CRACD: variants seen among roughly 807,000 people sequenced by gnomAD.
CRACD encodes capping protein-inhibiting regulator of actin dynamics.
In CRACD, 56 loss-of-function variants were observed where a neutral mutation model predicts 106.8. That is an observed-to-expected ratio of 0.52 (90% CI 0.42 to 0.66). The LOEUF (loss-of-function observed/expected upper bound fraction) is 0.66. Among genes scored for constraint, CRACD ranks in the 30% least tolerant of loss-of-function variants. The pLI is 0.00. For missense variants in CRACD, 1,730 were observed against 1,623.2 expected (o/e 1.07, Z -1.13); for synonymous variants, 754 against 670.8 (o/e 1.12, Z -1.92).
chr4:56,136,257 A>G (rs1456822352), intron 1 of CRACD, among the ~76,000 whole-genome samples: 1 of 152,112 alleles, frequency 6.6e-6, no homozygotes, highest in Non-Finnish European at 1.5e-5. Context: ...ATAAGCTTTC[A>G]TTTCTCTTGG....
At chr4:56,098,291 G>A (rs1197031771) in intron 1 of CRACD, among the ~76,000 whole-genome samples, 1 of 152,148 alleles carries the variant, frequency 6.6e-6, no homozygotes, top group Non-Finnish European at 1.5e-5. Context: ...GATAGATTCT[G>A]GTATGGACAG....
intron 2 of CRACD, among the ~76,000 whole-genome samples, chr4:56,214,477 A>G (rs957263463): frequency 2.0e-5 from 3 of 151,800 alleles, no homozygotes; most frequent in African/African-American, 7.3e-5. Context: ...CTGTAATCCC[A>G]GCTACTTGGG....
chr4:56,178,729 G>A (rs946733640), intron 1 of CRACD, among the ~76,000 whole-genome samples: 1 of 152,114 alleles, frequency 6.6e-6, no homozygotes, highest in East Asian at 1.9e-4. Flanking sequence ...TTAATCTGAG[G>A]TTGTTTCTTG....
rs946535743 is a variant in CRACD, at chr4:56,065,317, A to T, written c.-336+16018A>T. On this transcript the variant is annotated intron_variant, in intron 1 of 10. Coordinates refer to ENST00000682029, the MANE Select transcript of CRACD (RefSeq NM_001393381.1). ...TGGTCAGGCTGGTCTCAAAATCCTC[A>T]CCTCAGGTGATCCACCCACCTCAGC... is the stretch of plus-strand genomic sequence containing the variant. 5.3e-5 allele frequency among the ~76,000 whole-genome samples: 8 copies of T among 151,942 alleles called. No individual in the cohort carries two copies. The East Asian group carries it at 5.8e-4, about 11-fold the overall frequency.
chr4:56,301,893 G>C (rs1055811399), intron 4 of CRACD, among the ~76,000 whole-genome samples: 5 of 152,022 alleles, frequency 3.3e-5, no homozygotes, highest in African/African-American at 7.2e-5. Flanking sequence ...AATAGTGCAC[G>C]TGCAGAGTGA....
At chr4:56,118,881 A>G (rs921188399) in intron 1 of CRACD, among the ~76,000 whole-genome samples, 20 of 152,234 alleles carry the variant, frequency 1.3e-4, no homozygotes, top group Admixed American at 1.1e-3. Flanking sequence ...TTCTATGTAC[A>G]TATAATCAGA....
At chr4:56,243,733 G>A (rs1740506181) in intron 2 of CRACD, among the ~76,000 whole-genome samples, 1 of 151,950 alleles carries the variant, frequency 6.6e-6, no homozygotes, top group Non-Finnish European at 1.5e-5. Context: ...ATGGAGAATG[G>A]GGTACCCATC....
Position 56,209,188 on chromosome 4 carries a change from C to T in CRACD, c.-189+29758C>T, listed in dbSNP as rs958627624. On this transcript the variant is annotated intron_variant, in intron 2 of 10. Coordinates refer to ENST00000682029, the MANE Select transcript of CRACD (RefSeq NM_001393381.1). ...TTTGACCACACCAGATTCCCATAAC[C>T]CTTTTATAATCTCGTACAATTAAAA... Among the ~76,000 whole-genome samples the T allele has an allele frequency of 2.0e-5, 3 of 152,158 alleles. No homozygotes were observed. In the South Asian group the frequency reaches 6.2e-4, roughly 32 times the overall value.
intron 1 of CRACD, among the ~76,000 whole-genome samples, chr4:56,095,974 AGAG>A (rs1173129310): frequency 6.6e-6 from 1 of 152,164 alleles, no homozygotes; most frequent in African/African-American, 2.4e-5. Flanking sequence ...ATGAGAGAAA[AGAG>A]GAGAGTCAAG....
At chr4:56,251,326 CA>C (rs1390752591) in intron 2 of CRACD, among the ~76,000 whole-genome samples, 4 of 152,290 alleles carry the variant, frequency 2.6e-5, no homozygotes, top group Admixed American at 6.5e-5. Flanking sequence ...ACGTAGAAAT[CA>C]AATAGTGGCT....
At chr4:56,158,402 T>C (rs1468968481) in intron 1 of CRACD, among the ~76,000 whole-genome samples, 1 of 151,788 alleles carries the variant, frequency 6.6e-6, no homozygotes, top group Non-Finnish European at 1.5e-5. Flanking sequence ...TTTTTAAAAA[T>C]AATTCCTCTA....
rs190006805 is a variant in CRACD, at chr4:56,315,491, C to T, written c.1989C>T (p.Ser663=). 2.5e-6 allele frequency: 4 copies of T among 1,613,404 alleles called. No homozygotes were observed. Among genetic ancestry groups the T allele is most frequent in the African/African-American group, 2.7e-5 (2 of 75,056 alleles). The change falls in exon 8 of 11, where the codon TCC becomes TCT. Residue 663 remains serine, a synonymous_variant. Transcript: ENST00000682029. This position sits in a 1 kb window ranked among gnomAD's most constrained non-coding sequence, Gnocchi z 4.1. The part of the protein sequence containing the change: ...KPRQESPSSA[S]ALAEWASIRS... ...GCCAGGAGTCTCCCAGCAGCGCGTCCGCACTCGCAGAATGGGCTTCCATTC... is the reference window on the plus strand; with the variant it reads ...GCCAGGAGTCTCCCAGCAGCGCGTCTGCACTCGCAGAATGGGCTTCCATTC...
Position 56,314,154 on chromosome 4 carries a change from G to C in CRACD, c.652G>C (p.Glu218Gln), listed in dbSNP as rs749685768. 3 of 1,614,060 alleles carry C rather than the reference G, an allele frequency of 1.9e-6. No individual in the cohort carries two copies. In the South Asian group the frequency reaches 3.3e-5, roughly 18 times the overall value. ...HEEEPNPLDS[E>Q]EERRRQEDYW... Reference sequence around the variant, plus strand: ...AGAGGAACCCAATCCGCTGGATTCCGAGGAAGAGAGAAGACGCCAAGAAGA... The same window carrying C: ...AGAGGAACCCAATCCGCTGGATTCCCAGGAAGAGAGAAGACGCCAAGAAGA... Residue 218 changes from glutamate (E) to glutamine (Q), a missense_variant, in exon 8 of 11, where the codon GAG becomes CAG. By Grantham distance (29) the Glu-to-Gln change is conservative. Transcript: ENST00000682029. The surrounding 1 kb of genome is among the most constrained non-coding windows in gnomAD (Gnocchi z 4.4).
intron 1 of CRACD, among the ~76,000 whole-genome samples, chr4:56,074,000 A>T (rs1356402936): frequency 6.6e-6 from 1 of 152,124 alleles, no homozygotes; most frequent in Non-Finnish European, 1.5e-5. Flanking sequence ...TTTGTCAAAG[A>T]TCAGGTGGTT....
At chr4:56,310,035 A>T (rs1184806220) in intron 5 of CRACD, among the ~76,000 whole-genome samples, 1 of 147,578 alleles carries the variant, frequency 6.8e-6, no homozygotes, top group Non-Finnish European at 1.5e-5. Flanking sequence ...AAAAAAAAAG[A>T]AAAAGAAGAT....
chr4:56,313,280 C>A lies in CRACD; in HGVS notation c.438C>A (p.Pro146=), dbSNP rs1560532696. The change falls in exon 7 of 11, where the codon CCC becomes CCA. Residue 146 remains proline (P), a synonymous_variant. Transcript: ENST00000682029. ...TIESVNLDAI[P]LAIARLDNSA... Reference sequence around the variant, plus strand: ...AAAGTGTCAACTTAGATGCCATCCCCCTGGCCATCGCTCGCCTGGACAACA... The same window carrying A: ...AAAGTGTCAACTTAGATGCCATCCCACTGGCCATCGCTCGCCTGGACAACA... 1 of 1,614,240 alleles carries A rather than the reference C, an allele frequency of 6.2e-7. No homozygotes were observed. The highest frequency in any genetic ancestry group is 8.5e-7 in the Non-Finnish European group (1 of 1,180,050).
chr4:56,066,222 G>A (rs1732462706), intron 1 of CRACD, among the ~76,000 whole-genome samples: 2 of 151,942 alleles, frequency 1.3e-5, no homozygotes, highest in South Asian at 4.2e-4. Context: ...AACACCCCCA[G>A]GCAGCCACTG....
At chr4:56,276,284 G>A (rs947691547) in intron 3 of CRACD, among the ~76,000 whole-genome samples, 2 of 152,146 alleles carry the variant, frequency 1.3e-5, no homozygotes, top group African/African-American at 4.8e-5. Flanking sequence ...GGTCATCTTG[G>A]TAAATAGGTT....
intron 3 of CRACD, among the ~76,000 whole-genome samples, chr4:56,275,578 T>C (rs1560513362): frequency 6.6e-6 from 1 of 152,274 alleles, no homozygotes; most frequent in Non-Finnish European, 1.5e-5. Flanking sequence ...GATTATGGTA[T>C]AACTGAGCTT....
Sources: allele counts gnomAD v4.1 joint callset (sites outside exome capture counted in the v4.1 genomes callset), GRCh38; gene constraint gnomAD v4.1.1; non-coding constraint Gnocchi (gnomAD v3.1); transcripts MANE v1.5; gene names NCBI Gene and HGNC (gene_info 2026-07-23, HGNC 2026-07-21).